Variants in GRM4 observed in about 807,000 individuals in gnomAD.
GRM4 encodes the protein glutamate metabotropic receptor 4.
In GRM4, 28 loss-of-function variants were observed where a neutral mutation model predicts 81.7. That is an observed-to-expected ratio of 0.34 (90% CI 0.25 to 0.47). The LOEUF is 0.47. Among genes scored for constraint, GRM4 ranks in the 20% least tolerant of loss-of-function variants. The probability of loss-of-function intolerance (pLI) is 1.00; values close to 1 mark genes in which losing one functional copy is unlikely to be tolerated. For missense variants in GRM4, 948 were observed against 1,290.0 expected (o/e 0.73, Z 4.06); for synonymous variants, 488 against 528.8 (o/e 0.92, Z 1.06).
In GRM4 at chr6:34,138,679, G is replaced by A. The variant is rs148040219; in HGVS notation, c.-363-4820C>T. On this transcript the variant is annotated intron_variant, in intron 1 of 10. Transcript: ENST00000538487. ...GCCACCCCTGCCAGCTGCACTGTGC[G>A]ACTCGCAGGCCATGGGGAAGGTGGA... Among the ~76,000 whole-genome samples, 803 of 152,254 alleles carry A rather than the reference G, an allele frequency of 5.3e-3. 10 individuals carry two copies. The highest frequency in any genetic ancestry group is 0.014 in the Middle Eastern group (4 of 294).
In GRM4 at chr6:34,042,154, T is replaced by C. The variant is rs2127447679; in HGVS notation, c.1169-1406A>G. ...GATGGGAGGTAGCTGTAATCCCTGC[T>C]ACTCAGGAGGCTGAGGCACAAGGAT... is the stretch of plus-strand genomic sequence containing the variant. On this transcript the variant is annotated intron_variant, in intron 6 of 10. Coordinates refer to ENST00000538487, the MANE Select transcript of GRM4 (RefSeq NM_000841.4). This position sits in a 1 kb window ranked among gnomAD's most constrained non-coding sequence, Gnocchi z 4.2. Among the ~76,000 whole-genome samples, 5 of 152,280 alleles carry C rather than the reference T, an allele frequency of 3.3e-5. 1 individual carries two copies. In the South Asian group the frequency reaches 1.0e-3, roughly 32 times the overall value.
rs557411105 is a variant in GRM4 at position 34,064,907 on chromosome 6, C to T, written c.737-2879G>A. 3.7e-4 allele frequency among the ~76,000 whole-genome samples: 56 copies of T among 152,288 alleles called. No homozygotes were observed. Among genetic ancestry groups the T allele is most frequent in the African/African-American group, 1.3e-3 (54 of 41,544 alleles). On this transcript the variant is annotated intron_variant, in intron 3 of 10. Coordinates refer to ENST00000538487, the MANE Select transcript of GRM4 (RefSeq NM_000841.4). This position sits in a 1 kb window ranked among gnomAD's most constrained non-coding sequence, Gnocchi z 4.4. ...AGGCTCAGGTTGCTAAATAGCCTAA[C>T]CAAGGTCACACAGCCAGTCAGTGGG... is the stretch of plus-strand genomic sequence containing the variant.
chr6:34,146,860 C>G (rs928474796), upstream of GRM4, among the ~76,000 whole-genome samples: 1 of 152,208 alleles, frequency 6.6e-6, no homozygotes, highest in Non-Finnish European at 1.5e-5. Context: ...CTGGGAATAA[C>G]AGGGACAGAC....
In GRM4 at chr6:34,152,434, CTG is replaced by C. The variant is rs1771063831; in HGVS notation, c.312+2643_312+2644del. ...GGTCACAGCTGCACTGCCCCCAACT[CTG>C]TCCTCCTCATTCCTGGGGAAACATG... On this transcript the variant is annotated intron_variant, in intron 1 of 8. Coordinates refer to the GRM4 transcript ENST00000374177. This position sits in a 1 kb window ranked among gnomAD's most constrained non-coding sequence, Gnocchi z 4.1. 6.6e-6 allele frequency among the ~76,000 whole-genome samples: 1 copy of C among 152,354 alleles called. No individual in the cohort carries two copies. Among genetic ancestry groups the C allele is most frequent in the Admixed American group, 6.5e-5 (1 of 15,312 alleles).
At chr6:34,147,900 TTGAATGAATGAATGAA>T (rs3041981), upstream of GRM4, among the ~76,000 whole-genome samples, 1 of 150,780 alleles carries the variant, frequency 6.6e-6, no homozygotes, top group East Asian at 2.0e-4. Flanking sequence ...TATACTTTTG[TTGAATGAATGAATGAA>T]TGAATGAATG....
intron 6 of GRM4, among the ~76,000 whole-genome samples, chr6:34,041,119 A>G (rs1282563349): frequency 2.0e-5 from 3 of 151,980 alleles, no homozygotes; most frequent in Admixed American, 2.0e-4. Context: ...CTGGCCTGGG[A>G]TAATCTTGAG....
chr6:34,062,000 C>T lies in GRM4; in HGVS notation c.765G>A (p.Lys255=). The stretch of plus-strand genomic sequence containing the variant: ...CGCCTGCCTTGGGCTCCCGTGGTAT[C>T]TTCACCGACTGGGCGATGCACACGC... The part of the protein sequence containing the change: ...DGGVCIAQSV[K]IPREPKAGEF... The change falls in exon 4 of 11, where the codon AAG becomes AAA. Residue 255 remains lysine (K), a synonymous_variant. Transcript: ENST00000538487. 6.2e-7 allele frequency: 1 copy of T among 1,613,624 alleles called. No individual in the cohort carries two copies. The highest frequency in any genetic ancestry group is 8.5e-7 in the Non-Finnish European group (1 of 1,179,582).
intron 2 of GRM4, among the ~76,000 whole-genome samples, chr6:34,117,347 C>T (rs4305720): frequency 0.032 from 4,859 of 152,206 alleles, 188 homozygotes; most frequent in African/African-American, 0.096. Flanking sequence ...ACAGGCTGGG[C>T]CAGCCCAAAA....
At chr6:34,143,498 G>A (rs1452329928) in intron 1 of GRM4, among the ~76,000 whole-genome samples, 1 of 152,220 alleles carries the variant, frequency 6.6e-6, no homozygotes, top group Non-Finnish European at 1.5e-5. Flanking sequence ...AGAGTACCCA[G>A]AGGCCTCTGC....
At chr6:34,149,171 G>A (rs1259206373), upstream of GRM4, among the ~76,000 whole-genome samples, 1 of 152,130 alleles carries the variant, frequency 6.6e-6, no homozygotes, top group African/African-American at 2.4e-5. Context: ...TAATAGAGGA[G>A]GACAATTGTC....
chr6:34,126,346 A>G (rs1190620877), intron 2 of GRM4, among the ~76,000 whole-genome samples: 1 of 152,172 alleles, frequency 6.6e-6, no homozygotes, highest in African/African-American at 2.4e-5. Flanking sequence ...GCACAGGGTA[A>G]GTGCTATGTA....
At chr6:34,137,374 C>G (rs1279123164) in intron 1 of GRM4, among the ~76,000 whole-genome samples, 1 of 152,232 alleles carries the variant, frequency 6.6e-6, no homozygotes, top group African/African-American at 2.4e-5. Context: ...AGCTCTCAGG[C>G]CAACAGTGTT....
intron 2 of GRM4, among the ~76,000 whole-genome samples, chr6:34,128,448 G>A (rs557890303): frequency 2.0e-4 from 30 of 147,466 alleles, no homozygotes; most frequent in Admixed American, 5.6e-4. Context: ...GTAGGATCTC[G>A]CTGACTACAA....
rs1309566492 is a variant in GRM4 at position 34,019,422 on chromosome 6, A to G, written c.*3399T>C. 6.6e-6 allele frequency: 1 copy of G among 152,190 alleles called. No homozygotes were observed. Among genetic ancestry groups the G allele is most frequent in the Non-Finnish European group, 1.5e-5 (1 of 68,040 alleles). The allele number at this position is 152,190 out of a possible 1,614,324, so 9.4% of individuals were successfully genotyped here. ...GCTCCCTCCTGACTTCACAAGCCCC[A>G]AAGTCTGGTGCCACTCTTGGCCCAC... On this transcript the variant is annotated 3_prime_UTR_variant, in exon 11 of 11. Coordinates refer to ENST00000538487, the MANE Select transcript of GRM4 (RefSeq NM_000841.4).
At chr6:34,154,830 G>A (rs114411992) in intron 1 of GRM4, among the ~76,000 whole-genome samples, 1,995 of 152,316 alleles carry the variant, frequency 0.013, 24 homozygotes, top group Middle Eastern at 0.051. Context: ...AACGCGGCAA[G>A]ATCGCTGAGA....
At chr6:34,066,663 A>G (rs1766482617) in intron 3 of GRM4, among the ~76,000 whole-genome samples, 1 of 152,036 alleles carries the variant, frequency 6.6e-6, no homozygotes, top group African/African-American at 2.4e-5. Flanking sequence ...GCCACCTCTC[A>G]AAATCATGGT....
At chr6:34,108,218 T>A (rs972371161) in intron 2 of GRM4, among the ~76,000 whole-genome samples, 1 of 152,206 alleles carries the variant, frequency 6.6e-6, no homozygotes, top group African/African-American at 2.4e-5. Flanking sequence ...CCGCATGACC[T>A]CAAACCAGAC....
intron 2 of GRM4, among the ~76,000 whole-genome samples, chr6:34,131,466 A>G (rs1381120463): frequency 3.3e-5 from 5 of 152,190 alleles, no homozygotes; most frequent in Non-Finnish European, 7.3e-5. Context: ...AGGCCCACAG[A>G]GCATACCAGA....
intron 10 of GRM4, 70 bp downstream of exon 10, chr6:34,028,050 G>T: frequency 1.3e-6 from 2 of 1,496,510 alleles, no homozygotes; most frequent in Non-Finnish European, 1.8e-6. Context: ...AGGGGCAGGA[G>T]CTCAGCCCAC....
Sources: allele counts gnomAD v4.1 joint callset (sites outside exome capture counted in the v4.1 genomes callset), GRCh38; gene constraint gnomAD v4.1.1; non-coding constraint Gnocchi (gnomAD v3.1); transcripts MANE v1.5; gene names NCBI Gene and HGNC (gene_info 2026-07-23, HGNC 2026-07-21).